The following EFCC1 variants were observed in gnomAD, a reference collection of about 807,000 sequenced individuals.
The protein encoded by EFCC1 is EF-hand and coiled-coil domain-containing protein 1.
EFCC1 carries 50 observed loss-of-function variants against 52.1 expected under a neutral mutation model. That is an observed-to-expected ratio of 0.96 (90% CI 0.76 to 1.21). EFCC1 has a LOEUF of 1.21. Among genes scored for constraint, EFCC1 ranks in the 50% most tolerant of loss-of-function variants. The pLI, the probability that EFCC1 is intolerant of heterozygous loss-of-function variation, is 0.00. For synonymous variants in EFCC1, 399 were observed against 396.5 expected (o/e 1.01, Z -0.08); for missense variants, 837 against 867.3 (o/e 0.97, Z 0.44).
chr3:129,036,850 C>A, intron 5 of EFCC1, 127 bp from the exon 6 acceptor site: 1 of 1,420,012 alleles, frequency 7.0e-7, no homozygotes, highest in African/African-American at 1.4e-5. Flanking sequence ...CGCTGTGTGG[C>A]TTTAGGCCAC....
intron 2 of EFCC1, among the ~76,000 whole-genome samples, chr3:129,016,873 T>C (rs911977985): frequency 6.6e-6 from 1 of 152,220 alleles, no homozygotes; most frequent in Non-Finnish European, 1.5e-5. Flanking sequence ...TCAGTGATGA[T>C]GCTTTATGCT....
At chr3:129,015,539 T>A (rs1262496907) in intron 2 of EFCC1, among the ~76,000 whole-genome samples, 2 of 152,052 alleles carry the variant, frequency 1.3e-5, no homozygotes, top group Non-Finnish European at 2.9e-5. Context: ...CAGCTTGGGC[T>A]GGCAGGGCCT....
At chr3:129,031,363 C>T (rs1348766809) in intron 3 of EFCC1, among the ~76,000 whole-genome samples, 1 of 152,132 alleles carries the variant, frequency 6.6e-6, no homozygotes, top group Non-Finnish European at 1.5e-5. Flanking sequence ...ATCACTTGAG[C>T]CTGGGAGGTA....
chr3:129,015,421 G>GC (rs1486119194), intron 2 of EFCC1, among the ~76,000 whole-genome samples: 7 of 151,986 alleles, frequency 4.6e-5, no homozygotes, highest in African/African-American at 1.7e-4. Flanking sequence ...TGCTCCTTCG[G>GC]GGGGGGAGGT....
In EFCC1 at chr3:129,010,339, CG is replaced by C. The variant is rs1945264722; in HGVS notation, c.980+6266del. 6.6e-6 allele frequency among the ~76,000 whole-genome samples: 1 copy of C among 152,172 alleles called. No individual in the cohort carries two copies. The highest frequency in any genetic ancestry group is 6.5e-5 in the Admixed American group (1 of 15,288). ...CCCCTTGATGGGGCCTTCAGGACAC[CG>C]GGGCAGGGCAGGCAGCCTAGGGCCA... On this transcript the variant is annotated intron_variant, in intron 2 of 7. Coordinates refer to ENST00000683648, the MANE Select transcript of EFCC1 (RefSeq NM_001377500.1). This position sits in a 1 kb window ranked among gnomAD's most constrained non-coding sequence, Gnocchi z 4.3.
intron 3 of EFCC1, among the ~76,000 whole-genome samples, 176 bp from the exon 4 acceptor site, chr3:129,032,643 C>T (rs1454468020): frequency 6.6e-6 from 1 of 152,168 alleles, no homozygotes; most frequent in African/African-American, 2.4e-5. Flanking sequence ...TACAAGGAGA[C>T]AGAACCAGCC....
At chr3:129,007,796 A>G (rs959816486) in intron 2 of EFCC1, among the ~76,000 whole-genome samples, 3 of 152,190 alleles carry the variant, frequency 2.0e-5, no homozygotes, top group Non-Finnish European at 4.4e-5. Flanking sequence ...TAGGGCTTCT[A>G]TTGAGTTCTT....
chr3:129,025,364 G>A (rs1946060768), intron 2 of EFCC1, among the ~76,000 whole-genome samples: 1 of 152,152 alleles, frequency 6.6e-6, no homozygotes, highest in Admixed American at 6.5e-5. Flanking sequence ...CAGTCTCCCG[G>A]AAGCCACGGG....
In EFCC1 at chr3:129,001,533, AGCCCCTCCTTTCGAGAAACTCTGGGGCC is replaced by A. The variant is rs1424607223; in HGVS notation, c.-89_-62del. ...CGCTCCAACCAGACCGCGACCGCTA[AGCCCCTCCTTTCGAGAAACTCTGGGGCC>A]GCCCCTGGAAGTGGCGGGGCGAAGG... On this transcript the variant is annotated 5_prime_UTR_variant, in exon 1 of 8. Transcript: ENST00000683648. The A allele has an allele frequency of 7.5e-7, 1 of 1,338,960 alleles. No individual in the cohort carries two copies. The highest frequency in any genetic ancestry group is 9.5e-7 in the Non-Finnish European group (1 of 1,050,968). 82.9% of individuals were successfully genotyped at this position (1,338,960 alleles called of 1,614,324 possible).
At chr3:129,015,251 C>T (rs1047102277) in intron 2 of EFCC1, among the ~76,000 whole-genome samples, 4 of 152,176 alleles carry the variant, frequency 2.6e-5, no homozygotes, top group African/African-American at 7.2e-5. Flanking sequence ...CCACCATCCC[C>T]AAGCCTACTC....
chr3:129,024,528 C>T (rs1946012869), intron 2 of EFCC1, among the ~76,000 whole-genome samples: 1 of 146,268 alleles, frequency 6.8e-6, no homozygotes, highest in Non-Finnish European at 1.5e-5. Flanking sequence ...AAGACTCCGT[C>T]GCAAAAAAAA....
Position 129,039,733 on chromosome 3 carries a change from C to A in EFCC1, c.1685C>A (p.Ala562Asp). Residue 562 changes from alanine to aspartate, a missense_variant, in exon 8 of 8, where the codon GCC (alanine) becomes GAC (aspartate). Transcript: ENST00000683648. Reference protein sequence around the residue: ...PTHEGRPSPAAILDALHQALA... With the variant: ...PTHEGRPSPADILDALHQALA... ...CCAGAGGGAAGGCCCAGCCCTGCAG[C>A]CATCCTGGATGCCCTGCACCAAGCC... 1 of 1,607,620 alleles carries A rather than the reference C, an allele frequency of 6.2e-7. No homozygotes were observed. The highest frequency in any genetic ancestry group is 8.5e-7 in the Non-Finnish European group (1 of 1,175,818).
chr3:129,033,997 T>C (rs1459313675), intron 4 of EFCC1, among the ~76,000 whole-genome samples, 167 bp from the exon 5 acceptor site: 1 of 152,186 alleles, frequency 6.6e-6, no homozygotes, highest in Non-Finnish European at 1.5e-5. Flanking sequence ...CCTTTGCCTT[T>C]TCCTCAGAGT....
chr3:129,023,310 C>CTTTTTTTT (rs3036084), intron 2 of EFCC1, among the ~76,000 whole-genome samples: 1 of 138,168 alleles, frequency 7.2e-6, no homozygotes. Flanking sequence ...CCTCTTGCTT[C>CTTTTTTTT]TTTTTTTTTT....
At chr3:129,033,060 T>C in intron 4 of EFCC1, 94 bp downstream of exon 4, 1 of 1,415,938 alleles carries the variant, frequency 7.1e-7, no homozygotes, top group Non-Finnish European at 9.2e-7. Flanking sequence ...TTAGCCTGGC[T>C]CAGCCACCTC....
chr3:129,017,270 A>C (rs910198634), intron 2 of EFCC1, among the ~76,000 whole-genome samples: 1 of 152,254 alleles, frequency 6.6e-6, no homozygotes, highest in Non-Finnish European at 1.5e-5. Flanking sequence ...ACAAGGCCAC[A>C]GTCGGGGTTG....
intron 1 of EFCC1, chr3:129,002,656 T>C (rs1030351811): frequency 9.2e-5 from 31 of 335,854 alleles, no homozygotes; most frequent in African/African-American, 6.4e-4. Flanking sequence ...GTCTCACATA[T>C]TCCCTTTCAA....
chr3:129,030,521 C>A, intron 2 of EFCC1, 182 bp from the exon 3 acceptor site: 1 of 596,190 alleles, frequency 1.7e-6, no homozygotes, highest in Admixed American at 4.2e-5. Flanking sequence ...GGGTTCCATG[C>A]CTGTGCCCTA....
intron 2 of EFCC1, among the ~76,000 whole-genome samples, chr3:129,027,908 C>T (rs1171700093): frequency 6.6e-6 from 1 of 151,882 alleles, no homozygotes; most frequent in African/African-American, 2.4e-5. Flanking sequence ...GAGCTGAGAT[C>T]GCGCCACTGC....
Sources: allele counts gnomAD v4.1 joint callset (sites outside exome capture counted in the v4.1 genomes callset), GRCh38; gene constraint gnomAD v4.1.1; non-coding constraint Gnocchi (gnomAD v3.1); transcripts MANE v1.5; gene names NCBI Gene and HGNC (gene_info 2026-07-23, HGNC 2026-07-21).